Variants in F13A1 observed in about 807,000 individuals in gnomAD.
F13A1 encodes the protein FSF, A subunit.
F13A1 carries 47 observed loss-of-function variants against 80.1 expected under a neutral mutation model. The ratio of observed to expected loss-of-function variants is 0.59; its 90% CI spans 0.46 to 0.75. The LOEUF (loss-of-function observed/expected upper bound fraction) is 0.75, where lower values mean the gene tolerates loss of function less well. Ranked by LOEUF, F13A1 falls within the 30% of genes least tolerant of loss-of-function variation. The probability of loss-of-function intolerance (pLI) is 0.00; values close to 1 mark genes in which losing one functional copy is unlikely to be tolerated. For synonymous variants in F13A1, 349 were observed against 344.9 expected (o/e 1.01, Z -0.13); for missense variants, 817 against 930.4 (o/e 0.88, Z 1.59).
chr6:6,224,214 C>A (rs372237573), intron 7 of F13A1, among the ~76,000 whole-genome samples: 3 of 152,172 alleles, frequency 2.0e-5, no homozygotes, highest in Middle Eastern at 3.4e-3. Context: ...TGCTATAATA[C>A]CTTCCATAAC....
chr6:6,185,586 G>A (rs1761066439), intron 10 of F13A1, among the ~76,000 whole-genome samples: 1 of 151,794 alleles, frequency 6.6e-6, no homozygotes, highest in Non-Finnish European at 1.5e-5. Flanking sequence ...ATTCCATGGT[G>A]TATATGTGCC....
intron 6 of F13A1, among the ~76,000 whole-genome samples, chr6:6,244,275 A>C (rs1674059): frequency 6.6e-6 from 1 of 152,076 alleles, no homozygotes; most frequent in African/African-American, 2.4e-5. Context: ...AAATGCATTG[A>C]AAAGAAAGCA....
intron 8 of F13A1, among the ~76,000 whole-genome samples, chr6:6,209,781 A>C (rs1761568718): frequency 6.6e-6 from 1 of 152,222 alleles, no homozygotes; most frequent in African/African-American, 2.4e-5. Flanking sequence ...ACTTATAGGA[A>C]ATGATCAGAA....
chr6:6,148,903 A>G (rs1252243161), intron 14 of F13A1, among the ~76,000 whole-genome samples: 1 of 152,158 alleles, frequency 6.6e-6, no homozygotes, highest in Non-Finnish European at 1.5e-5. Flanking sequence ...AACAACATGA[A>G]TTAGACTTGG....
chr6:6,243,584 G>T lies in F13A1; in HGVS notation c.798+4728C>A, dbSNP rs1221845932. Among the ~76,000 whole-genome samples the T allele has an allele frequency of 1.3e-5, 2 of 152,106 alleles. No individual in the cohort carries two copies. Among genetic ancestry groups the T allele is most frequent in the African/African-American group, 2.4e-5 (1 of 41,390 alleles). On this transcript the variant is annotated intron_variant, in intron 6 of 14. Transcript: ENST00000264870. This position sits in a 1 kb window ranked among gnomAD's most constrained non-coding sequence, Gnocchi z 4.2. ...GGCAATTCAATCTTACATAATTATT[G>T]TGTTATTGGCAATAACGTGTTGATA...
intron 2 of F13A1, among the ~76,000 whole-genome samples, chr6:6,311,637 T>TTGTTTACATATAATATATAAAAACATA (rs1356762609): frequency 2.0e-5 from 3 of 146,650 alleles, no homozygotes; most frequent in Non-Finnish European, 4.5e-5. Flanking sequence ...AAAACATATA[T>TTGTTTACATATAATATATAAAAACATA]TGTTTATATA....
At chr6:6,225,578 G>T (rs568281387) in intron 6 of F13A1, among the ~76,000 whole-genome samples, 76 of 152,074 alleles carry the variant, frequency 5.0e-4, no homozygotes, top group African/African-American at 1.8e-3. Flanking sequence ...CACGATCATG[G>T]TTCACTGTAG....
chr6:6,247,926 GAA>G (rs1255301603), intron 6 of F13A1, among the ~76,000 whole-genome samples: 1 of 152,218 alleles, frequency 6.6e-6, no homozygotes, highest in Non-Finnish European at 1.5e-5. Context: ...TGAAAATTGA[GAA>G]AAGCTGTGCC....
At chr6:6,161,473 T>C (rs1384204347) in intron 13 of F13A1, among the ~76,000 whole-genome samples, 1 of 151,668 alleles carries the variant, frequency 6.6e-6, no homozygotes, top group Admixed American at 6.6e-5. Flanking sequence ...AGGAGCAGTA[T>C]AATCATAGTG....
chr6:6,181,943 A>G (rs758472686), intron 11 of F13A1, 45 bp downstream of exon 11: 16 of 1,608,298 alleles, frequency 9.9e-6, no homozygotes, highest in Admixed American at 1.7e-5. Context: ...ATAAGTACTC[A>G]ATGGACTTGG....
chr6:6,160,181 G>T (rs1380092449), intron 13 of F13A1, among the ~76,000 whole-genome samples: 1 of 151,124 alleles, frequency 6.6e-6, no homozygotes, highest in Non-Finnish European at 1.5e-5. Flanking sequence ...GGAGACTGAG[G>T]TAGGATAATT....
chr6:6,267,748 A>AG (rs1338441510), intron 3 of F13A1, among the ~76,000 whole-genome samples: 1 of 152,076 alleles, frequency 6.6e-6, no homozygotes, highest in Non-Finnish European at 1.5e-5. Context: ...TTTAAAAAAA[A>AG]ATAAGGGATG....
At chr6:6,168,613 T>C (rs1228684579) in intron 12 of F13A1, among the ~76,000 whole-genome samples, 1 of 152,236 alleles carries the variant, frequency 6.6e-6, no homozygotes, top group Admixed American at 6.5e-5. Context: ...TTCACAGAAC[T>C]GAATGTCTTT....
intron 3 of F13A1, among the ~76,000 whole-genome samples, chr6:6,275,768 C>T (rs1364900565): frequency 6.6e-6 from 1 of 152,206 alleles, no homozygotes. Context: ...GAACATGCTG[C>T]TTTATGAGGA....
chr6:6,303,730 T>C (rs1365012061), intron 3 of F13A1, among the ~76,000 whole-genome samples: 1 of 152,184 alleles, frequency 6.6e-6, no homozygotes, highest in Non-Finnish European at 1.5e-5. Flanking sequence ...AAGAACATGT[T>C]TGACTTTTCA....
intron 6 of F13A1, among the ~76,000 whole-genome samples, chr6:6,240,538 A>AC (rs1490359306): frequency 6.6e-6 from 1 of 151,836 alleles, no homozygotes; most frequent in Non-Finnish European, 1.5e-5. Flanking sequence ...CTCATGACCC[A>AC]CCCCCAGTGC....
intron 4 of F13A1, among the ~76,000 whole-genome samples, chr6:6,256,939 G>A (rs2113110999): frequency 6.6e-6 from 1 of 152,296 alleles, no homozygotes; most frequent in Non-Finnish European, 1.5e-5. Context: ...AACCTACATG[G>A]TCTCTTTCAA....
intron 10 of F13A1, 43 bp downstream of exon 10, chr6:6,195,754 G>T (rs749063236): frequency 6.4e-7 from 1 of 1,556,298 alleles, no homozygotes; most frequent in Non-Finnish European, 8.8e-7. Flanking sequence ...TGTGTTAAGA[G>T]GTTGGGGAGA....
chr6:6,228,148 G>A (rs1757301836), intron 6 of F13A1, among the ~76,000 whole-genome samples: 1 of 152,168 alleles, frequency 6.6e-6, no homozygotes. Context: ...TGGTGGTCAA[G>A]TAGACAATAC....
Sources: gnomAD v4.1 joint callset for allele counts (sites outside exome capture counted in the v4.1 genomes callset) on GRCh38, gnomAD v4.1.1 for gene constraint, Gnocchi (gnomAD v3.1) non-coding constraint, MANE v1.5 for transcripts, NCBI Gene and HGNC (gene_info 2026-07-23, HGNC 2026-07-21) for gene names.